FBXO32: variants seen among roughly 807,000 people sequenced by gnomAD.
FBXO32 encodes the protein F-box only protein 32.
FBXO32 carries 15 observed loss-of-function variants against 48.3 expected under a neutral mutation model. The ratio of observed to expected loss-of-function variants is 0.31; its 90% CI spans 0.21 to 0.48. The LOEUF (loss-of-function observed/expected upper bound fraction) is 0.48, where lower values mean the gene tolerates loss of function less well. FBXO32 is among the 20% of genes least tolerant of loss of function. FBXO32 has a pLI of 0.99. For synonymous variants in FBXO32, 154 were observed against 165.9 expected (o/e 0.93, Z 0.55); for missense variants, 309 against 432.7 (o/e 0.71, Z 2.54).
chr8:123,538,447 T>C (rs1817351454), intron 1 of FBXO32, among the ~76,000 whole-genome samples: 3 of 152,198 alleles, frequency 2.0e-5, no homozygotes, highest in South Asian at 2.1e-4. Context: ...TGTTTTCTCA[T>C]AACAGGAGAG....
At chr8:123,503,558 C>A in intron 8 of FBXO32, 96 bp from the exon 9 acceptor site, 2 of 848,414 alleles carry the variant, frequency 2.4e-6, no homozygotes, top group East Asian at 2.6e-5. Flanking sequence ...CAACAATTCT[C>A]TGTCAATAAT....
rs1456085081 is a variant in FBXO32, at chr8:123,506,890, C to T, written c.652-316G>A. On this transcript the variant is annotated intron_variant, in intron 6 of 8. Coordinates refer to ENST00000517956, the MANE Select transcript of FBXO32 (RefSeq NM_058229.4). This position sits in a 1 kb window ranked among gnomAD's most constrained non-coding sequence, Gnocchi z 4.0. ...ACTCAGTTCACACAATTACAAGGTTCGCTGCTTTCCTGAAGGCCTCACTGC... is the reference window on the plus strand; with the variant it reads ...ACTCAGTTCACACAATTACAAGGTTTGCTGCTTTCCTGAAGGCCTCACTGC... Among the ~76,000 whole-genome samples, 2 of 152,204 alleles carry T rather than the reference C, an allele frequency of 1.3e-5. No homozygotes were observed. Among genetic ancestry groups the T allele is most frequent in the South Asian group, 2.1e-4 (1 of 4,830 alleles).
At chr8:123,523,528 T>C (rs1169297231) in intron 4 of FBXO32, among the ~76,000 whole-genome samples, 1 of 152,072 alleles carries the variant, frequency 6.6e-6, no homozygotes, top group African/African-American at 2.4e-5. Context: ...AGGCAGAGGT[T>C]GCAGTGAGCC....
intron 4 of FBXO32, among the ~76,000 whole-genome samples, chr8:123,522,453 C>CCT (rs991311367): frequency 3.9e-5 from 6 of 152,128 alleles, no homozygotes; most frequent in African/African-American, 1.4e-4. Context: ...AAGTAATCCA[C>CCT]CTGCCTCGGC....
rs886696560 is a variant in FBXO32 at position 123,503,263 on chromosome 8, G to A, written c.*110C>T. The A allele has an allele frequency of 1.3e-5, 11 of 825,816 alleles. No individual in the cohort carries two copies. Among genetic ancestry groups the A allele is most frequent in the Admixed American group, 7.6e-5 (3 of 39,306 alleles). The allele number at this position is 825,816 out of a possible 1,614,324, so 51.2% of individuals were successfully genotyped here. On this transcript the variant is annotated 3_prime_UTR_variant, in exon 9 of 9. Coordinates refer to ENST00000517956, the MANE Select transcript of FBXO32 (RefSeq NM_058229.4). ...CTCCATGACTTATCTCTGAAGTTTC[G>A]AGCCAATGTTTAAAATGTACACTAT...
chr8:123,514,167 C>T lies in FBXO32; in HGVS notation c.466+73G>A, dbSNP rs906197039. On this transcript the variant is annotated intron_variant, in intron 5 of 8. Transcript: ENST00000517956. ...CATGTCTTTAAGTCTAATGACACGTCCACTTCATTGGAAAATCCATCTGCC... is the reference window on the plus strand; with the variant it reads ...CATGTCTTTAAGTCTAATGACACGTTCACTTCATTGGAAAATCCATCTGCC... 21 of 1,060,464 alleles carry T rather than the reference C, an allele frequency of 2.0e-5. No homozygotes were observed. In the East Asian group the frequency reaches 2.0e-4, roughly 10 times the overall value. 65.7% of individuals were successfully genotyped at this position (1,060,464 alleles called of 1,614,324 possible).
At chr8:123,531,777 T>A in intron 4 of FBXO32, 121 bp downstream of exon 4, 1 of 1,184,228 alleles carries the variant, frequency 8.4e-7, no homozygotes, top group Non-Finnish European at 1.2e-6. Flanking sequence ...GTTTTCTGCT[T>A]GCCTCAAAAT....
rs545269364 is a variant in FBXO32, at chr8:123,509,569, G to T, written c.652-2995C>A. Among the ~76,000 whole-genome samples the T allele has an allele frequency of 5.9e-5, 9 of 152,104 alleles. No homozygotes were observed. The East Asian group carries it at 1.7e-3, about 29-fold the overall frequency. On this transcript the variant is annotated intron_variant, in intron 6 of 8. Coordinates refer to ENST00000517956, the MANE Select transcript of FBXO32 (RefSeq NM_058229.4). ...ACAAAAATTAGCTGGGTGTGGTGGC[G>T]AGTGACTGTAGTCCCAGCTACTCGG...
At position 123,532,253 on chromosome 8, in the gene FBXO32, C is replaced by T; in HGVS notation, c.280-263G>A. On this transcript the variant is annotated intron_variant, in intron 3 of 8. Transcript: ENST00000517956. ...GTGACTTGTACCATTTGGGACCTTG[C>T]TTATAATTTTTCCACATATTAGTCT... The T allele has an allele frequency of 1.8e-6, 2 of 1,128,948 alleles. 1 individual carries two copies. The highest frequency in any genetic ancestry group is 7.1e-4 in the Middle Eastern group (2 of 2,828). 69.9% of individuals were successfully genotyped at this position (1,128,948 alleles called of 1,614,324 possible). A position where few individuals can be genotyped will look rare whatever the true frequency, so the allele number is the denominator to read the frequency against.
rs190144067 is a variant in FBXO32 at position 123,505,166 on chromosome 8, C to T, written c.835-419G>A. Among the ~76,000 whole-genome samples, 640 of 152,212 alleles carry T rather than the reference C, an allele frequency of 4.2e-3. 4 individuals carry two copies. The highest frequency in any genetic ancestry group is 6.7e-3 in the Non-Finnish European group (458 of 68,018). On this transcript the variant is annotated intron_variant, in intron 7 of 8. Coordinates refer to ENST00000517956, the MANE Select transcript of FBXO32 (RefSeq NM_058229.4). ...TTATATCTAAATATTAGTGGCTTCACGAACAGAACTTGTTGAACTCACACA... is the reference window on the plus strand; with the variant it reads ...TTATATCTAAATATTAGTGGCTTCATGAACAGAACTTGTTGAACTCACACA...
intron 7 of FBXO32, 98 bp from the exon 8 acceptor site, chr8:123,504,845 C>T: frequency 8.4e-7 from 1 of 1,189,994 alleles, no homozygotes; most frequent in Non-Finnish European, 1.2e-6. Flanking sequence ...CACCCTTTCC[C>T]CCTCTTTTCA....
At chr8:123,520,081 C>T (rs1286738324) in intron 4 of FBXO32, among the ~76,000 whole-genome samples, 2 of 152,196 alleles carry the variant, frequency 1.3e-5, no homozygotes, top group African/African-American at 4.8e-5. Context: ...AGCCATCGCG[C>T]ACAGCCCAAA....
intron 6 of FBXO32, among the ~76,000 whole-genome samples, chr8:123,512,959 C>G (rs1271109120): frequency 6.6e-6 from 1 of 152,170 alleles, no homozygotes; most frequent in Admixed American, 6.5e-5. Flanking sequence ...TCCAGCTTTC[C>G]CATAATAGTT....
In FBXO32 at chr8:123,503,167, A is replaced by G. The variant is rs1816533002; in HGVS notation, c.*206T>C. 13 of 449,220 alleles carry G rather than the reference A, an allele frequency of 2.9e-5. No individual in the cohort carries two copies. Among genetic ancestry groups the G allele is most frequent in the Non-Finnish European group, 4.7e-5 (12 of 253,204 alleles). The allele number at this position is 449,220 out of a possible 1,614,324, so 27.8% of individuals were successfully genotyped here. On this transcript the variant is annotated 3_prime_UTR_variant, in exon 9 of 9. Coordinates refer to ENST00000517956, the MANE Select transcript of FBXO32 (RefSeq NM_058229.4). ...TATTTACAGTATTTTGCTTTTCCAT[A>G]CCAATTCTAGTGAGAAGTTCACATT...
Position 123,513,448 on chromosome 8 carries a change from G to A in FBXO32, c.467-66C>T. ...GGAACACCCTGTATTTTACACATGA[G>A]CTTGTCTCTGTCTGTATTCCACTCA... On this transcript the variant is annotated intron_variant, in intron 5 of 8. Coordinates refer to ENST00000517956, the MANE Select transcript of FBXO32 (RefSeq NM_058229.4). The surrounding 1 kb of genome is among the most constrained non-coding windows in gnomAD (Gnocchi z 4.3). The A allele has an allele frequency of 7.5e-7, 1 of 1,342,114 alleles. No homozygotes were observed. The highest frequency in any genetic ancestry group is 1.0e-6 in the Non-Finnish European group (1 of 964,850). The allele number at this position is 1,342,114 out of a possible 1,614,324, so 83.1% of individuals were successfully genotyped here.
chr8:123,539,361 C>T (rs2130566520), intron 1 of FBXO32, among the ~76,000 whole-genome samples: 1 of 152,244 alleles, frequency 6.6e-6, no homozygotes, highest in Non-Finnish European at 1.5e-5. Flanking sequence ...GGAAGGTTCC[C>T]ATTTTGTTGA....
intron 2 of FBXO32, among the ~76,000 whole-genome samples, chr8:123,534,447 G>A (rs990699523): frequency 6.6e-6 from 1 of 152,054 alleles, no homozygotes; most frequent in African/African-American, 2.4e-5. Flanking sequence ...TGTCAAATAC[G>A]AATGACTAGC....
Position 123,503,131 on chromosome 8 carries a change from GA to G in FBXO32, c.*241del, listed in dbSNP as rs773495615. The G allele has an allele frequency of 1.7e-5, 6 of 345,804 alleles. No homozygotes were observed. The highest frequency in any genetic ancestry group is 4.5e-5 in the Admixed American group (1 of 22,174). 21.4% of individuals were successfully genotyped at this position (345,804 alleles called of 1,614,324 possible). On this transcript the variant is annotated 3_prime_UTR_variant, in exon 9 of 9. Coordinates refer to ENST00000517956, the MANE Select transcript of FBXO32 (RefSeq NM_058229.4). Reference sequence around the variant, plus strand: ...TTATAGTCTTGCTGGCAAATTGTTAGAAAAAAAGTTTATTTACAGTATTTTG... The same window carrying G: ...TTATAGTCTTGCTGGCAAATTGTTAGAAAAAAGTTTATTTACAGTATTTTG...
intron 4 of FBXO32, among the ~76,000 whole-genome samples, chr8:123,531,142 G>T (rs140134622): frequency 0.013 from 1,989 of 151,784 alleles, 50 homozygotes; most frequent in African/African-American, 0.045. Context: ...ACCACGCCTG[G>T]CTAATTTTCT....
Sources: gnomAD v4.1 joint callset for allele counts (sites outside exome capture counted in the v4.1 genomes callset) on GRCh38, gnomAD v4.1.1 for gene constraint, Gnocchi (gnomAD v3.1) non-coding constraint, MANE v1.5 for transcripts, NCBI Gene and HGNC (gene_info 2026-07-23, HGNC 2026-07-21) for gene names.